The following LYRM4 variants were observed in gnomAD, a reference collection of about 807,000 sequenced individuals.
LYRM4 encodes the protein LYR motif containing 4.
Under a neutral mutation model 11.7 loss-of-function variants are expected in LYRM4, and 9 were observed. The ratio of observed to expected loss-of-function variants is 0.77; its 90% CI spans 0.46 to 1.34. The LOEUF (loss-of-function observed/expected upper bound fraction) is 1.34. LYRM4 is among the 40% of genes most tolerant of loss of function. The probability of loss-of-function intolerance (pLI) is 0.00; values close to 1 mark genes in which losing one functional copy is unlikely to be tolerated. For synonymous variants in LYRM4, 42 were observed against 40.4 expected (o/e 1.04, Z -0.15); for missense variants, 133 against 112.5 (o/e 1.18, Z -0.82).
intron 2 of LYRM4, among the ~76,000 whole-genome samples, chr6:5,116,107 G>T (rs1446700928): frequency 1.3e-5 from 2 of 152,186 alleles, no homozygotes; most frequent in African/African-American, 2.4e-5. Flanking sequence ...GGTTCTGAGG[G>T]TCTGTGCTCA....
chr6:5,060,962 C>G, the LYRM4 span, among the ~76,000 whole-genome samples: 1 of 152,142 alleles, frequency 6.6e-6, no homozygotes, highest in African/African-American at 2.4e-5. Flanking sequence ...TGAATGCCAC[C>G]TTTATCCTAT....
rs571438778 is a variant in LYRM4 at position 5,224,402 on chromosome 6, G to T, written c.87-7664C>A. Among the ~76,000 whole-genome samples, 16 of 152,258 alleles carry T rather than the reference G, an allele frequency of 1.1e-4. No individual in the cohort carries two copies. The East Asian group carries it at 2.3e-3, about 22-fold the overall frequency. ...TACCTGCAGTTTTTGAAAAGACAAAGGGACAGGTACACCCTGCTGGTGTGA... is the reference window on the plus strand; with the variant it reads ...TACCTGCAGTTTTTGAAAAGACAAATGGACAGGTACACCCTGCTGGTGTGA... On this transcript the variant is annotated intron_variant, in intron 1 of 2. Transcript: ENST00000330636.
chr6:5,165,023 G>A (rs1202255696), intron 2 of LYRM4, among the ~76,000 whole-genome samples: 1 of 148,978 alleles, frequency 6.7e-6, no homozygotes, highest in African/African-American at 2.5e-5. Context: ...AAGTTATTAT[G>A]TTCTACAGAA....
chr6:5,182,698 C>A (rs549539992), intron 2 of LYRM4, among the ~76,000 whole-genome samples: 3 of 152,300 alleles, frequency 2.0e-5, no homozygotes, highest in South Asian at 2.1e-4. Context: ...AAAAAGGTAA[C>A]CCTGTTTGAG....
At chr6:5,106,072 G>A (rs1441296702), downstream of LYRM4, 1 of 152,302 alleles carries the variant, frequency 6.6e-6, no homozygotes, top group Non-Finnish European at 1.5e-5. Context: ...TCATTAATTT[G>A]CACGTGTAAA....
intron 2 of LYRM4, among the ~76,000 whole-genome samples, chr6:5,146,883 T>A (rs1265529458): frequency 2.0e-5 from 3 of 152,154 alleles, no homozygotes; most frequent in Non-Finnish European, 4.4e-5. Context: ...TTCCAATACA[T>A]TCTCACATCA....
At chr6:5,067,002 G>T in the LYRM4 span, 1 of 775,932 alleles carries the variant, frequency 1.3e-6, no homozygotes, top group East Asian at 3.2e-5. Context: ...TCTCAGGCCC[G>T]CTCCAAGGAT....
intron 1 of LYRM4, among the ~76,000 whole-genome samples, chr6:5,244,808 G>A (rs1764066305): frequency 6.6e-6 from 1 of 151,752 alleles, no homozygotes; most frequent in Non-Finnish European, 1.5e-5. Context: ...GCTGACTGTG[G>A]GCTGTGGTAC....
chr6:5,128,228 C>T (rs1763784570), intron 2 of LYRM4, among the ~76,000 whole-genome samples: 1 of 152,094 alleles, frequency 6.6e-6, no homozygotes, highest in Non-Finnish European at 1.5e-5. Context: ...TTACTGTCTG[C>T]AGAGAAATAT....
At chr6:5,092,673 G>A in the LYRM4 span, among the ~76,000 whole-genome samples, 19,297 of 152,128 alleles carry the variant, frequency 0.13, 1,569 homozygotes, top group Non-Finnish European at 0.19. Flanking sequence ...AGCCGAGATC[G>A]TGCCACTGCG....
chr6:5,145,800 T>C (rs1268780923), intron 2 of LYRM4, among the ~76,000 whole-genome samples: 1 of 152,176 alleles, frequency 6.6e-6, no homozygotes, highest in Non-Finnish European at 1.5e-5. Flanking sequence ...GCTCTAGTAA[T>C]ATTGACTGCT....
the LYRM4 span, among the ~76,000 whole-genome samples, chr6:5,083,838 C>A: frequency 2.0e-5 from 3 of 152,198 alleles, no homozygotes; most frequent in African/African-American, 7.2e-5. Context: ...ATTAGTGGTT[C>A]TGTTTCTAGA....
chr6:5,086,374 G>T, the LYRM4 span: 1 of 1,536,102 alleles, frequency 6.5e-7, no homozygotes, highest in South Asian at 1.2e-5. Context: ...AGAGCCAGGC[G>T]CCGAGTGCTT....
intron 2 of LYRM4, among the ~76,000 whole-genome samples, chr6:5,171,000 T>C (rs1759397949): frequency 6.6e-6 from 1 of 152,210 alleles, no homozygotes; most frequent in Admixed American, 6.5e-5. Context: ...TGATGAAAGA[T>C]GTTAATTTGA....
chr6:5,183,879 C>T (rs1185193715), intron 2 of LYRM4, among the ~76,000 whole-genome samples: 2 of 152,172 alleles, frequency 1.3e-5, no homozygotes, highest in Non-Finnish European at 2.9e-5. Flanking sequence ...TAATGTATTG[C>T]ATACTTGAAA....
At chr6:5,085,471 G>A in the LYRM4 span, 5 of 1,526,224 alleles carry the variant, frequency 3.3e-6, no homozygotes, top group Non-Finnish European at 4.4e-6. Flanking sequence ...AGCAAGTCCA[G>A]GGGCGAACGG....
the LYRM4 span, chr6:5,085,421 A>C: frequency 8.3e-7 from 1 of 1,206,802 alleles, no homozygotes; most frequent in Non-Finnish European, 1.1e-6. Context: ...CCACGGCCCG[A>C]GGAGTTAGTT....
the LYRM4 span, chr6:5,084,693 GC>G: frequency 6.6e-6 from 1 of 152,298 alleles, no homozygotes; most frequent in South Asian, 2.1e-4. Flanking sequence ...GCAGATGGGG[GC>G]GGCGGCTCCT....
chr6:5,169,046 A>C (rs1360372024), intron 2 of LYRM4, among the ~76,000 whole-genome samples: 1 of 152,130 alleles, frequency 6.6e-6, no homozygotes, highest in East Asian at 1.9e-4. Flanking sequence ...GCAATGTAAA[A>C]AATTAGGGGG....
Sources: allele counts gnomAD v4.1 joint callset (sites outside exome capture counted in the v4.1 genomes callset), GRCh38; gene constraint gnomAD v4.1.1; transcripts MANE v1.5; gene names NCBI Gene and HGNC (gene_info 2026-07-23, HGNC 2026-07-21).